SUMO4: variants seen among roughly 807,000 people sequenced by gnomAD.
SUMO4 encodes small ubiquitin-related modifier 4.
Under a neutral mutation model 7.7 loss-of-function variants are expected in SUMO4, and 6 were observed. The ratio of observed to expected loss-of-function variants is 0.78; its 90% CI spans 0.43 to 1.53. The LOEUF (loss-of-function observed/expected upper bound fraction) is 1.53, where lower values mean the gene tolerates loss of function less well. SUMO4 is among the 40% of genes most tolerant of loss of function. SUMO4 has a pLI of 0.01. For missense variants in SUMO4, 113 were observed against 113.6 expected (o/e 0.99, Z 0.03); for synonymous variants, 43 against 41.2 (o/e 1.04, Z -0.17).
In SUMO4 at chr6:149,400,990, C is replaced by T; in HGVS notation, c.*311C>T. 1 of 301,192 alleles carries T rather than the reference C, an allele frequency of 3.3e-6. No individual in the cohort carries two copies. The highest frequency in any genetic ancestry group is 6.4e-6 in the Non-Finnish European group (1 of 155,420). The allele number at this position is 301,192 out of a possible 1,614,324, so 18.7% of individuals were successfully genotyped here. Reference sequence around the variant, plus strand: ...CCCCTTTATCCATTAGTGGCATGTTCATTCAGGTCTTATCTTTATATTCTA... The same window carrying T: ...CCCCTTTATCCATTAGTGGCATGTTTATTCAGGTCTTATCTTTATATTCTA... On this transcript the variant is annotated 3_prime_UTR_variant, in exon 1 of 1. Transcript: ENST00000326669.
At position 149,400,318 on chromosome 6, in the gene SUMO4, G is replaced by T; in HGVS notation, c.-74G>T. The stretch of plus-strand genomic sequence containing the variant: ...GTCACCTCCTGCTGCTCTTCCTGCT[G>T]CTCGTGTACTCGTTAGGTGCGGACC... On this transcript the variant is annotated 5_prime_UTR_variant, in exon 1 of 1. Transcript: ENST00000326669. The T allele has an allele frequency of 6.6e-7, 1 of 1,516,456 alleles. No individual in the cohort carries two copies. 93.9% of individuals were successfully genotyped at this position (1,516,456 alleles called of 1,614,324 possible).
In SUMO4 at chr6:149,400,266, C is replaced by A; in HGVS notation, c.-126C>A. 3 of 1,053,288 alleles carry A rather than the reference C, an allele frequency of 2.8e-6. No individual in the cohort carries two copies. The highest frequency in any genetic ancestry group is 2.7e-6 in the Non-Finnish European group (2 of 736,782). The allele number at this position is 1,053,288 out of a possible 1,614,324, so 65.2% of individuals were successfully genotyped here. A position where few individuals can be genotyped will look rare whatever the true frequency, so the allele number is the denominator to read the frequency against. On this transcript the variant is annotated 5_prime_UTR_variant, in exon 1 of 1. Coordinates refer to ENST00000326669, the MANE Select transcript of SUMO4 (RefSeq NM_001002255.2). ...GGGAGGGGAGGGAGCCCAGGATGTG[C>A]ACGCACCCTCTCCCTCATCCACCGC...
Position 149,400,625 on chromosome 6 carries a change from GGAA to G in SUMO4, c.237_239del (p.Glu79del). 1.9e-6 allele frequency: 3 copies of G among 1,614,210 alleles called. No individual in the cohort carries two copies. Among genetic ancestry groups the G allele is most frequent in the Non-Finnish European group, 2.5e-6 (3 of 1,180,042 alleles). On this transcript the variant is annotated inframe_deletion, in exon 1 of 1. Transcript: ENST00000326669. Reference sequence around the variant, plus strand: ...CAGACAAACCTGCACAGTTGGAAATGGAAGATGAAGATACAATTGATGTGTTTC... The same window carrying G: ...CAGACAAACCTGCACAGTTGGAAATGGATGAAGATACAATTGATGTGTTTC...
chr6:149,400,572 C>G lies in SUMO4; in HGVS notation c.181C>G (p.Arg61Gly), dbSNP rs769921334. 15 of 1,614,158 alleles carry G rather than the reference C, an allele frequency of 9.3e-6. 1 individual carries two copies. Among genetic ancestry groups the G allele is most frequent in the Middle Eastern group, 1.6e-4 (1 of 6,062 alleles). ...RGLSVKQIRF[R>G]FGGQPISGTD... ...ATTGTCAGTGAAGCAGATCAGATTC[C>G]GATTTGGTGGGCAACCAATCAGTGG... The change falls in exon 1 of 1, where the codon CGA (arginine) becomes GGA (glycine). Residue 61 changes from arginine (R) to glycine (G), a missense_variant. By Grantham distance (125) the Arg-to-Gly change is moderately radical. Transcript: ENST00000326669.
In SUMO4 at chr6:149,400,659, C is replaced by G; in HGVS notation, c.268C>G (p.Pro90Ala). 6.2e-7 allele frequency: 1 copy of G among 1,614,058 alleles called. No individual in the cohort carries two copies. The highest frequency in any genetic ancestry group is 8.5e-7 in the Non-Finnish European group (1 of 1,179,946). Residue 90 changes from proline to alanine, a missense_variant, in exon 1 of 1, where the codon CCT (proline) becomes GCT (alanine). Coordinates refer to ENST00000326669, the MANE Select transcript of SUMO4 (RefSeq NM_001002255.2). ...AGATACAATTGATGTGTTTCAACAG[C>G]CTACGGGAGGTGTCTACTGAAAAGG... ...DEDTIDVFQQ[P>A]TGGVY is the part of the protein sequence containing the mutation.
In SUMO4 at chr6:149,401,107, T is replaced by A. The variant is rs1438867580; in HGVS notation, c.*428T>A. ...GGAGGATTTTCATGTTTTTCATTTA[T>A]CATTGTAAAACCAAGGACAATTTTA... is the stretch of plus-strand genomic sequence containing the variant. On this transcript the variant is annotated 3_prime_UTR_variant, in exon 1 of 1. Transcript: ENST00000326669. 1 of 175,118 alleles carries A rather than the reference T, an allele frequency of 5.7e-6. No individual in the cohort carries two copies. Among genetic ancestry groups the A allele is most frequent in the African/African-American group, 2.4e-5 (1 of 41,576 alleles). The allele number at this position is 175,118 out of a possible 1,614,324, so 10.8% of individuals were successfully genotyped here.
rs754509038 is a variant in SUMO4 at position 149,400,544 on chromosome 6, G to A, written c.153G>A (p.Arg51=). 50 of 1,614,112 alleles carry A rather than the reference G, an allele frequency of 3.1e-5. No homozygotes were observed. The highest frequency in any genetic ancestry group is 4.5e-5 in the East Asian group (2 of 44,898). Residue 51 remains arginine (R), a synonymous_variant, in exon 1 of 1, where the codon CGG becomes CGA. Transcript: ENST00000326669. The stretch of plus-strand genomic sequence containing the variant: ...TAATGAAAGCCTATTGTGAACCACG[G>A]GGATTGTCAGTGAAGCAGATCAGAT... ...SKLMKAYCEP[R]GLSVKQIRFR...
Position 149,400,454 on chromosome 6 carries a change from G to C in SUMO4, c.63G>C (p.Lys21Asn). 3.1e-6 allele frequency: 5 copies of C among 1,614,254 alleles called. No individual in the cohort carries two copies. The highest frequency in any genetic ancestry group is 3.4e-6 in the Non-Finnish European group (4 of 1,180,052). The stretch of plus-strand genomic sequence containing the variant: ...AGAACAACAATCATATTAATTTGAA[G>C]GTGGCGGGACAGGATGGTTCTGTGG... Reference protein sequence around the residue: ...KTENNNHINLKVAGQDGSVVQ... With the variant: ...KTENNNHINLNVAGQDGSVVQ... The change falls in exon 1 of 1, where the codon AAG becomes AAC. Residue 21 changes from lysine (K) to asparagine (N), a missense_variant. By Grantham distance (94) the Lys-to-Asn change is moderately conservative. Coordinates refer to ENST00000326669, the MANE Select transcript of SUMO4 (RefSeq NM_001002255.2).
At position 149,400,687 on chromosome 6, in the gene SUMO4, A is replaced by G; in HGVS notation, c.*8A>G. The G allele has an allele frequency of 1.2e-6, 2 of 1,612,640 alleles. No homozygotes were observed. On this transcript the variant is annotated 3_prime_UTR_variant, in exon 1 of 1. Coordinates refer to ENST00000326669, the MANE Select transcript of SUMO4 (RefSeq NM_001002255.2). ...ACGGGAGGTGTCTACTGAAAAGGGA[A>G]CCTGCTTCTTTACTCCAGAACGCTG...
At position 149,400,343 on chromosome 6, in the gene SUMO4, C is replaced by G. The variant is rs1468537129; in HGVS notation, c.-49C>G. On this transcript the variant is annotated 5_prime_UTR_variant, in exon 1 of 1. Coordinates refer to ENST00000326669, the MANE Select transcript of SUMO4 (RefSeq NM_001002255.2). ...GCTCGTGTACTCGTTAGGTGCGGAC[C>G]CGCCACCTCTTTTGTGAAGCAGCAG... 1 of 1,588,706 alleles carries G rather than the reference C, an allele frequency of 6.3e-7. No individual in the cohort carries two copies. Among genetic ancestry groups the G allele is most frequent in the Admixed American group, 1.7e-5 (1 of 58,732 alleles).
In SUMO4 at chr6:149,400,412, A is replaced by C. The variant is rs1782337895; in HGVS notation, c.21A>C (p.Thr7=). The C allele has an allele frequency of 3.7e-6, 6 of 1,614,202 alleles. No homozygotes were observed. Among genetic ancestry groups the C allele is most frequent in the Non-Finnish European group, 5.1e-6 (6 of 1,180,030 alleles). MANEKP[T]EEVKTENNNH... Reference sequence around the variant, plus strand: ...TCACCATGGCCAACGAAAAGCCCACAGAAGAAGTCAAGACTGAGAACAACA... The same window carrying C: ...TCACCATGGCCAACGAAAAGCCCACCGAAGAAGTCAAGACTGAGAACAACA... Residue 7 remains threonine (T), a synonymous_variant, in exon 1 of 1, where the codon ACA becomes ACC. Coordinates refer to ENST00000326669, the MANE Select transcript of SUMO4 (RefSeq NM_001002255.2).
Position 149,400,735 on chromosome 6 carries a change from G to T in SUMO4, c.*56G>T. Reference sequence around the variant, plus strand: ...CTGTTCTTTAAAGACCAAGATTACTGCATTCTCAATTAGAAAACTGCAATT... The same window carrying T: ...CTGTTCTTTAAAGACCAAGATTACTTCATTCTCAATTAGAAAACTGCAATT... On this transcript the variant is annotated 3_prime_UTR_variant, in exon 1 of 1. Coordinates refer to ENST00000326669, the MANE Select transcript of SUMO4 (RefSeq NM_001002255.2). 3 of 1,563,396 alleles carry T rather than the reference G, an allele frequency of 1.9e-6. No homozygotes were observed. In the Admixed American group the frequency reaches 5.6e-5, roughly 29 times the overall value.
chr6:149,400,345 G>C lies in SUMO4; in HGVS notation c.-47G>C, dbSNP rs139591747. 3 of 1,591,810 alleles carry C rather than the reference G, an allele frequency of 1.9e-6. No individual in the cohort carries two copies. The African/African-American group carries it at 4.0e-5, about 21-fold the overall frequency. On this transcript the variant is annotated 5_prime_UTR_variant, in exon 1 of 1. Transcript: ENST00000326669. ...TCGTGTACTCGTTAGGTGCGGACCC[G>C]CCACCTCTTTTGTGAAGCAGCAGCT...
chr6:149,400,892 A>C lies in SUMO4; in HGVS notation c.*213A>C. The C allele has an allele frequency of 1.8e-6, 1 of 571,300 alleles. No homozygotes were observed. The highest frequency in any genetic ancestry group is 3.1e-6 in the Non-Finnish European group (1 of 325,278). 35.4% of individuals were successfully genotyped at this position (571,300 alleles called of 1,614,324 possible). Reference sequence around the variant, plus strand: ...CATATTGCTTTTTTCTTCAAACCAAACAGCCAATGGTATGTTTTGATTGAC... The same window carrying C: ...CATATTGCTTTTTTCTTCAAACCAACCAGCCAATGGTATGTTTTGATTGAC... On this transcript the variant is annotated 3_prime_UTR_variant, in exon 1 of 1. Transcript: ENST00000326669.
Position 149,400,315 on chromosome 6 carries a change from G to A in SUMO4, c.-77G>A, listed in dbSNP as rs1782330603. On this transcript the variant is annotated 5_prime_UTR_variant, in exon 1 of 1. Coordinates refer to ENST00000326669, the MANE Select transcript of SUMO4 (RefSeq NM_001002255.2). ...GCTGTCACCTCCTGCTGCTCTTCCT[G>A]CTGCTCGTGTACTCGTTAGGTGCGG... is the stretch of plus-strand genomic sequence containing the variant. 2.7e-6 allele frequency: 4 copies of A among 1,503,016 alleles called. No homozygotes were observed. In the African/African-American group the frequency reaches 5.5e-5, roughly 21 times the overall value. The allele number at this position is 1,503,016 out of a possible 1,614,324, so 93.1% of individuals were successfully genotyped here.
At position 149,400,347 on chromosome 6, in the gene SUMO4, C is replaced by A; in HGVS notation, c.-45C>A. On this transcript the variant is annotated 5_prime_UTR_variant, in exon 1 of 1. Transcript: ENST00000326669. ...GTGTACTCGTTAGGTGCGGACCCGC[C>A]ACCTCTTTTGTGAAGCAGCAGCTGA... 2 of 1,597,706 alleles carry A rather than the reference C, an allele frequency of 1.3e-6. No homozygotes were observed. The highest frequency in any genetic ancestry group is 1.7e-6 in the Non-Finnish European group (2 of 1,172,280).
rs752246181 is a variant in SUMO4, at chr6:149,400,615, A to G, written c.224A>G (p.Gln75Arg). The G allele has an allele frequency of 1.9e-6, 3 of 1,614,242 alleles. No individual in the cohort carries two copies. Among genetic ancestry groups the G allele is most frequent in the Admixed American group, 1.7e-5 (1 of 60,030 alleles). Residue 75 changes from glutamine to arginine, a missense_variant, in exon 1 of 1, where the codon CAG becomes CGG. Transcript: ENST00000326669. ...ATCAGTGGAACAGACAAACCTGCAC[A>G]GTTGGAAATGGAAGATGAAGATACA... is the stretch of plus-strand genomic sequence containing the variant. ...QPISGTDKPA[Q>R]LEMEDEDTID...
At position 149,400,623 on chromosome 6, in the gene SUMO4, A is replaced by G; in HGVS notation, c.232A>G (p.Met78Val). Residue 78 changes from methionine (M) to valine (V), a missense_variant, in exon 1 of 1, where the codon ATG becomes GTG. Met to Val is a conservative substitution (Grantham distance 21). Transcript: ENST00000326669. ...AACAGACAAACCTGCACAGTTGGAA[A>G]TGGAAGATGAAGATACAATTGATGT... ...SGTDKPAQLE[M>V]EDEDTIDVFQ... The G allele has an allele frequency of 6.2e-7, 1 of 1,614,254 alleles. No individual in the cohort carries two copies. Among genetic ancestry groups the G allele is most frequent in the Non-Finnish European group, 8.5e-7 (1 of 1,180,044 alleles).
In SUMO4 at chr6:149,400,988, T is replaced by C. The variant is rs1782386724; in HGVS notation, c.*309T>C. 1 of 308,278 alleles carries C rather than the reference T, an allele frequency of 3.2e-6. No individual in the cohort carries two copies. The highest frequency in any genetic ancestry group is 6.8e-5 in the East Asian group (1 of 14,732). The allele number at this position is 308,278 out of a possible 1,614,324, so 19.1% of individuals were successfully genotyped here. On this transcript the variant is annotated 3_prime_UTR_variant, in exon 1 of 1. Coordinates refer to ENST00000326669, the MANE Select transcript of SUMO4 (RefSeq NM_001002255.2). ...ACCCCCTTTATCCATTAGTGGCATG[T>C]TCATTCAGGTCTTATCTTTATATTC...
Sources: allele counts gnomAD v4.1 joint callset, GRCh38; gene constraint gnomAD v4.1.1; transcripts MANE v1.5; gene names NCBI Gene and HGNC (gene_info 2026-07-23, HGNC 2026-07-21).